The following SPAG16 variants were observed in gnomAD, a reference collection of about 807,000 sequenced individuals.
The protein encoded by SPAG16 is sperm-associated antigen 16 protein.
Under a neutral mutation model 80.4 loss-of-function variants are expected in SPAG16, and 86 were observed. The ratio of observed to expected loss-of-function variants is 1.07; its 90% CI spans 0.90 to 1.28. The LOEUF is 1.28. SPAG16 is among the 50% of genes most tolerant of loss of function. The pLI is 0.00. For missense variants in SPAG16, 870 were observed against 765.3 expected (o/e 1.14, Z -1.61); for synonymous variants, 294 against 265.9 (o/e 1.11, Z -1.03).
intron 10 of SPAG16, among the ~76,000 whole-genome samples, chr2:213,821,381 TAAAC>T (rs1304078328): frequency 6.6e-6 from 1 of 152,110 alleles, no homozygotes; most frequent in Non-Finnish European, 1.5e-5. Context: ...TTTTTCATAA[TAAAC>T]AGGGATTAGG....
intron 9 of SPAG16, among the ~76,000 whole-genome samples, chr2:213,409,987 A>G (rs2068866647): frequency 6.6e-6 from 1 of 152,124 alleles, no homozygotes; most frequent in African/African-American, 2.4e-5. Flanking sequence ...CCTGAAGATC[A>G]CGTTCTTATC....
chr2:214,272,914 TA>T (rs1692145104), intron 15 of SPAG16, among the ~76,000 whole-genome samples: 1 of 152,194 alleles, frequency 6.6e-6, no homozygotes, highest in Non-Finnish European at 1.5e-5. Flanking sequence ...ACCAACAGTG[TA>T]AAAGTGTTCC....
At chr2:213,293,774 C>G (rs2062389803) in intron 1 of SPAG16, among the ~76,000 whole-genome samples, 1 of 152,180 alleles carries the variant, frequency 6.6e-6, no homozygotes, top group Non-Finnish European at 1.5e-5. Flanking sequence ...GCTTATTGTT[C>G]CTTTTTCAGC....
chr2:213,814,721 C>T (rs1296617976), intron 10 of SPAG16, among the ~76,000 whole-genome samples: 2 of 151,820 alleles, frequency 1.3e-5, no homozygotes, highest in Non-Finnish European at 1.5e-5. Context: ...ACCTGGGAGG[C>T]GGAGGTTGCA....
chr2:213,438,338 T>G (rs2070754019), intron 9 of SPAG16, among the ~76,000 whole-genome samples: 1 of 152,220 alleles, frequency 6.6e-6, no homozygotes, highest in African/African-American at 2.4e-5. Context: ...GGGAGTATTC[T>G]GATAGGCCAT....
chr2:213,973,358 G>C (rs986620712), intron 12 of SPAG16, among the ~76,000 whole-genome samples: 4 of 151,634 alleles, frequency 2.6e-5, no homozygotes, highest in African/African-American at 9.7e-5. Flanking sequence ...TTCCCTTTTT[G>C]AATAGCACCT....
At chr2:213,751,335 C>CA (rs1438010304) in intron 10 of SPAG16, among the ~76,000 whole-genome samples, 2 of 152,134 alleles carry the variant, frequency 1.3e-5, no homozygotes, top group Non-Finnish European at 2.9e-5. Context: ...ACCCTAAACT[C>CA]AACATACCCC....
chr2:214,091,232 C>A (rs537755934), intron 13 of SPAG16, among the ~76,000 whole-genome samples: 1 of 151,908 alleles, frequency 6.6e-6, no homozygotes, highest in South Asian at 2.1e-4. Flanking sequence ...TATTATATCC[C>A]AAGATTTGTT....
At chr2:213,877,042 A>G (rs1166849637) in intron 11 of SPAG16, among the ~76,000 whole-genome samples, 1 of 152,200 alleles carries the variant, frequency 6.6e-6, no homozygotes, top group Non-Finnish European at 1.5e-5. Context: ...TATTTTGCTC[A>G]TCAAAGATCT....
At chr2:213,565,641 C>T (rs930202106) in intron 10 of SPAG16, among the ~76,000 whole-genome samples, 1 of 152,102 alleles carries the variant, frequency 6.6e-6, no homozygotes, top group Non-Finnish European at 1.5e-5. Flanking sequence ...GAGAACACAC[C>T]AGGATTGTCA....
chr2:213,536,287 A>G (rs1030502547), intron 10 of SPAG16, among the ~76,000 whole-genome samples: 1 of 152,134 alleles, frequency 6.6e-6, no homozygotes, highest in Non-Finnish European at 1.5e-5. Flanking sequence ...GGGATTTCAT[A>G]TGGATCAACT....
intron 15 of SPAG16, among the ~76,000 whole-genome samples, chr2:214,281,933 A>C (rs1692970282): frequency 6.6e-6 from 1 of 152,216 alleles, no homozygotes; most frequent in African/African-American, 2.4e-5. Context: ...GATCCCATTT[A>C]TATAGAACTC....
chr2:214,256,642 A>AAAC (rs565397319), intron 15 of SPAG16, among the ~76,000 whole-genome samples: 1 of 151,952 alleles, frequency 6.6e-6, no homozygotes, highest in South Asian at 2.1e-4. Flanking sequence ...ACAAACAAAC[A>AAAC]AACAACAACA....
At position 214,400,756 on chromosome 2, in the gene SPAG16, C is replaced by G. The variant is rs775759114; in HGVS notation, c.1721-9384C>G. Reference sequence around the variant, plus strand: ...TCCTCAACTTCCATGTGTTTGATGTCCATTCAATATTTTATGTTTTCTAAG... The same window carrying G: ...TCCTCAACTTCCATGTGTTTGATGTGCATTCAATATTTTATGTTTTCTAAG... On this transcript the variant is annotated intron_variant, in intron 15 of 15. Transcript: ENST00000331683. 3.2e-4 allele frequency among the ~76,000 whole-genome samples: 49 copies of G among 152,012 alleles called. 1 individual carries two copies. Among genetic ancestry groups the G allele is most frequent in the Non-Finnish European group, 5.0e-4 (34 of 67,890 alleles).
intron 10 of SPAG16, among the ~76,000 whole-genome samples, chr2:213,528,679 G>T (rs2125875790): frequency 6.6e-6 from 1 of 152,154 alleles, no homozygotes; most frequent in East Asian, 1.9e-4. Flanking sequence ...ATCCTTTCTT[G>T]TATCTAAATC....
At chr2:213,950,908 T>G (rs757987815) in intron 12 of SPAG16, among the ~76,000 whole-genome samples, 3 of 151,732 alleles carry the variant, frequency 2.0e-5, no homozygotes, top group Non-Finnish European at 4.4e-5. Context: ...AGACAGTGTC[T>G]CTCTATGTTG....
chr2:213,487,487 T>C (rs2074035534), intron 9 of SPAG16, among the ~76,000 whole-genome samples: 1 of 152,124 alleles, frequency 6.6e-6, no homozygotes, highest in African/African-American at 2.4e-5. Flanking sequence ...CATTGTCTCC[T>C]GAAATATTTC....
chr2:214,389,100 A>G (rs1700920855), intron 15 of SPAG16, among the ~76,000 whole-genome samples: 2 of 152,228 alleles, frequency 1.3e-5, no homozygotes. Context: ...AGACAAACAT[A>G]AAATGAATAC....
chr2:214,286,836 T>C (rs1257483982), intron 15 of SPAG16, among the ~76,000 whole-genome samples: 2 of 152,170 alleles, frequency 1.3e-5, no homozygotes, highest in East Asian at 3.9e-4. Context: ...CTAAAAATGA[T>C]TGACCTATGA....
Sources: gnomAD v4.1 joint callset for allele counts (sites outside exome capture counted in the v4.1 genomes callset) on GRCh38, gnomAD v4.1.1 for gene constraint, MANE v1.5 for transcripts, NCBI Gene and HGNC (gene_info 2026-07-23, HGNC 2026-07-21) for gene names.